Variants in NFAM1 observed in about 807,000 individuals in gnomAD.
NFAM1 encodes NFAT activating protein with ITAM motif 1.
In NFAM1, 17 loss-of-function variants were observed where a neutral mutation model predicts 29.0. The observed-to-expected ratio is 0.59, with a 90% CI of 0.40 to 0.88. NFAM1 has a LOEUF of 0.88. Ranked by LOEUF, NFAM1 falls within the 40% of genes least tolerant of loss-of-function variation. The pLI is 0.00. For missense variants in NFAM1, 324 were observed against 344.6 expected, an observed-to-expected ratio of 0.94 and a Z score of 0.47; for synonymous variants, 175 against 147.2, an observed-to-expected ratio of 1.19 and a Z score of -1.36.
chr22:42,418,509 T>C (rs1472470802), intron 1 of NFAM1, among the ~76,000 whole-genome samples: 2 of 152,052 alleles, frequency 1.3e-5, no homozygotes, highest in Non-Finnish European at 2.9e-5. Flanking sequence ...CTGGCCAACA[T>C]GGTGAAACCC....
At chr22:42,407,131 G>A (rs1929927627) in intron 3 of NFAM1, among the ~76,000 whole-genome samples, 1 of 149,002 alleles carries the variant, frequency 6.7e-6, no homozygotes, top group South Asian at 2.1e-4. Flanking sequence ...CCAGGGGCTG[G>A]AGTGCAGTGG....
At chr22:42,389,211 G>C (rs1929249450) in intron 4 of NFAM1, among the ~76,000 whole-genome samples, 1 of 152,206 alleles carries the variant, frequency 6.6e-6, no homozygotes, top group South Asian at 2.1e-4. Flanking sequence ...CATGAGCCCA[G>C]AGAGGGCAGG....
At chr22:42,434,936 C>T (rs150760617), upstream of NFAM1, among the ~76,000 whole-genome samples, 417 of 152,346 alleles carry the variant, frequency 2.7e-3, 1 homozygote, top group African/African-American at 9.5e-3. Flanking sequence ...GAACACCTGC[C>T]CTGCCCTGGG....
upstream of NFAM1, among the ~76,000 whole-genome samples, chr22:42,436,422 C>G (rs1441952165): frequency 6.6e-6 from 1 of 152,196 alleles, no homozygotes; most frequent in African/African-American, 2.4e-5. Context: ...CACCCTCTCT[C>G]TCAAACACCC....
upstream of NFAM1, among the ~76,000 whole-genome samples, chr22:42,436,746 C>T (rs543126451): frequency 1.9e-4 from 29 of 152,348 alleles, no homozygotes; most frequent in Admixed American, 9.8e-4. Flanking sequence ...TATGACTGCT[C>T]CTGCTTCGCA....
intron 3 of NFAM1, among the ~76,000 whole-genome samples, chr22:42,408,200 A>G (rs1929964897): frequency 6.6e-6 from 1 of 152,074 alleles, no homozygotes; most frequent in African/African-American, 2.4e-5. Context: ...AGCCTCAGAT[A>G]GAGATTTCTT....
At chr22:42,417,006 C>T (rs890378090) in intron 1 of NFAM1, among the ~76,000 whole-genome samples, 1 of 152,118 alleles carries the variant, frequency 6.6e-6, no homozygotes, top group Non-Finnish European at 1.5e-5. Context: ...CGTGGGGGCC[C>T]CAACGGACTC....
chr22:42,404,501 G>A (rs569546345), intron 3 of NFAM1, among the ~76,000 whole-genome samples: 6 of 152,114 alleles, frequency 3.9e-5, no homozygotes, highest in African/African-American at 7.2e-5. Flanking sequence ...TCTGGCCTCC[G>A]GGTTCTCTTT....
At chr22:42,396,922 G>A (rs1441503681) in intron 4 of NFAM1, among the ~76,000 whole-genome samples, 1 of 134,112 alleles carries the variant, frequency 7.5e-6, no homozygotes, top group Non-Finnish European at 1.7e-5. Context: ...ATCGCAGCCA[G>A]GGGGCGTGCA....
intron 4 of NFAM1, among the ~76,000 whole-genome samples, chr22:42,390,395 C>A (rs1232206374): frequency 6.6e-6 from 1 of 151,896 alleles, no homozygotes; most frequent in Non-Finnish European, 1.5e-5. Context: ...CATGAAGGCA[C>A]TGGAGAGACT....
At chr22:42,431,459 A>G (rs1317941026) in intron 1 of NFAM1, among the ~76,000 whole-genome samples, 1 of 152,194 alleles carries the variant, frequency 6.6e-6, no homozygotes, top group East Asian at 1.9e-4. Flanking sequence ...TGCCCGGCCA[A>G]GGAGGGGCAG....
intron 1 of NFAM1, among the ~76,000 whole-genome samples, chr22:42,413,398 G>C (rs1366688350): frequency 6.6e-6 from 1 of 152,220 alleles, no homozygotes; most frequent in Admixed American, 6.5e-5. Context: ...TGCGGGAACA[G>C]AGATGGAGTT....
intron 1 of NFAM1, among the ~76,000 whole-genome samples, chr22:42,415,004 C>A (rs148046347): frequency 6.6e-6 from 1 of 152,136 alleles, no homozygotes; most frequent in Non-Finnish European, 1.5e-5. Context: ...TTAAGGTCAC[C>A]GAGTTAGGCT....
intron 1 of NFAM1, among the ~76,000 whole-genome samples, chr22:42,422,835 C>A (rs947570858): frequency 6.6e-6 from 1 of 152,088 alleles, no homozygotes; most frequent in Admixed American, 6.6e-5. Context: ...GGGGAACAGG[C>A]TGGGCGTGGT....
At chr22:42,421,821 C>G (rs1331692974) in intron 1 of NFAM1, among the ~76,000 whole-genome samples, 3 of 152,222 alleles carry the variant, frequency 2.0e-5, no homozygotes, top group South Asian at 2.1e-4. Context: ...CAATTTAATT[C>G]TGGCATCTCT....
At chr22:42,435,581 AG>A (rs1930919372), upstream of NFAM1, among the ~76,000 whole-genome samples, 3 of 151,888 alleles carry the variant, frequency 2.0e-5, no homozygotes, top group Middle Eastern at 0.01. Flanking sequence ...TCCCAACCTC[AG>A]GTGATCCGCC....
At chr22:42,436,869 T>G (rs925381061), upstream of NFAM1, 3 of 370,424 alleles carry the variant, frequency 8.1e-6, no homozygotes, top group Non-Finnish European at 1.1e-5. Flanking sequence ...CACTGCGCTC[T>G]CCTGCAATTC....
At chr22:42,428,306 G>A (rs1458705617) in intron 1 of NFAM1, among the ~76,000 whole-genome samples, 1 of 152,164 alleles carries the variant, frequency 6.6e-6, no homozygotes, top group Admixed American at 6.5e-5. Context: ...ACCTCTGCCT[G>A]TGCCTCGAAA....
At chr22:42,414,333 A>T (rs1164914244) in intron 1 of NFAM1, among the ~76,000 whole-genome samples, 1 of 152,068 alleles carries the variant, frequency 6.6e-6, no homozygotes, top group African/African-American at 2.4e-5. Flanking sequence ...TAATGATAAC[A>T]TTACATTCAT....
Sources: allele counts gnomAD v4.1 joint callset (sites outside exome capture counted in the v4.1 genomes callset), GRCh38; gene constraint gnomAD v4.1.1; transcripts MANE v1.5; gene names NCBI Gene and HGNC (gene_info 2026-07-23, HGNC 2026-07-21).